Variants in APBB2 observed in about 807,000 individuals in gnomAD.
APBB2 encodes the protein Fe65-like 1.
A neutral mutation model predicts 82.5 loss-of-function variants in APBB2; 38 were observed. That is an observed-to-expected ratio of 0.46 (90% CI 0.36 to 0.60). APBB2 has a LOEUF of 0.60. Ranked by LOEUF, APBB2 falls within the 20% of genes least tolerant of loss-of-function variation. The probability of loss-of-function intolerance (pLI) is 0.00; values close to 1 mark genes in which losing one functional copy is unlikely to be tolerated. For synonymous variants in APBB2, 341 were observed against 368.2 expected (o/e 0.93, Z 0.85); for missense variants, 772 against 972.3 (o/e 0.79, Z 2.74).
At chr4:41,012,567 C>CT (rs1245256837) in intron 6 of APBB2, among the ~76,000 whole-genome samples, 1 of 151,674 alleles carries the variant, frequency 6.6e-6, no homozygotes, top group Admixed American at 6.6e-5. Flanking sequence ...AAAAACGCTA[C>CT]TTTTTTTTTC....
At chr4:40,856,625 C>T (rs1363392978) in intron 12 of APBB2, among the ~76,000 whole-genome samples, 1 of 152,220 alleles carries the variant, frequency 6.6e-6, no homozygotes, top group Admixed American at 6.5e-5. Context: ...GAAATGTGGC[C>T]TCACCAGGGG....
At chr4:40,914,485 G>A (rs542635501) in intron 10 of APBB2, among the ~76,000 whole-genome samples, 1 of 152,336 alleles carries the variant, frequency 6.6e-6, no homozygotes, top group East Asian at 1.9e-4. Flanking sequence ...CCAGGAGGCG[G>A]GGGTTGCAGT....
At chr4:41,036,974 AAG>A (rs1180735088) in intron 4 of APBB2, among the ~76,000 whole-genome samples, 18 of 152,342 alleles carry the variant, frequency 1.2e-4, no homozygotes, top group Non-Finnish European at 2.1e-4. Context: ...GATGGCTTTT[AAG>A]AACAATATAC....
chr4:41,067,507 A>G lies in APBB2; in HGVS notation c.-148-1834T>C, dbSNP rs146164188. 2.3e-3 allele frequency among the ~76,000 whole-genome samples: 352 copies of G among 152,298 alleles called. 2 individuals carry two copies. Among genetic ancestry groups the G allele is most frequent in the African/African-American group, 8.1e-3 (338 of 41,560 alleles). On this transcript the variant is annotated intron_variant, in intron 3 of 17. Transcript: ENST00000508593. ...GTAAAGCCTGGAGAAGCAGCTTGAGAAAAACATAAAGGCATAAAAGTGATT... is the reference window on the plus strand; with the variant it reads ...GTAAAGCCTGGAGAAGCAGCTTGAGGAAAACATAAAGGCATAAAAGTGATT...
intron 12 of APBB2, among the ~76,000 whole-genome samples, chr4:40,861,451 C>T (rs1458577987): frequency 1.3e-5 from 2 of 152,012 alleles, no homozygotes; most frequent in Non-Finnish European, 2.9e-5. Context: ...TGCTTGAGCC[C>T]AGGAGTTTGA....
intron 5 of APBB2, among the ~76,000 whole-genome samples, chr4:41,027,681 C>T (rs1266236726): frequency 7.0e-6 from 1 of 142,222 alleles, no homozygotes; most frequent in Non-Finnish European, 1.5e-5. Flanking sequence ...TTCATTTCCT[C>T]ATTAATTCAT....
intron 2 of APBB2, among the ~76,000 whole-genome samples, chr4:41,101,372 G>A (rs1745308661): frequency 6.8e-6 from 1 of 147,804 alleles, no homozygotes; most frequent in Non-Finnish European, 1.5e-5. Context: ...GCTGAGGCAG[G>A]AGAATGGCGT....
intron 10 of APBB2, among the ~76,000 whole-genome samples, chr4:40,901,595 C>T (rs753411339): frequency 3.9e-5 from 6 of 152,114 alleles, no homozygotes; most frequent in Non-Finnish European, 8.8e-5. Context: ...CTGCAACCTC[C>T]GCCTCCCAGG....
intron 3 of APBB2, among the ~76,000 whole-genome samples, chr4:41,091,987 G>T (rs1741875009): frequency 6.6e-6 from 1 of 152,154 alleles, no homozygotes; most frequent in South Asian, 2.1e-4. Context: ...CACAATTTAT[G>T]TAAAGGGCCA....
At position 40,960,147 on chromosome 4, in the gene APBB2, T is replaced by C. The variant is rs961425555; in HGVS notation, c.836-15074A>G. On this transcript the variant is annotated intron_variant, in intron 6 of 17. Coordinates refer to ENST00000508593, the MANE Select transcript of APBB2 (RefSeq NM_004307.2). The stretch of plus-strand genomic sequence containing the variant: ...TGATGTAAAAAAGGATTTTAGACTA[T>C]GGATGGGGAGGAGGAGTACAGAGAA... Among the ~76,000 whole-genome samples, 7 of 152,234 alleles carry C rather than the reference T, an allele frequency of 4.6e-5. No homozygotes were observed. In the South Asian group the frequency reaches 1.2e-3, roughly 27 times the overall value.
intron 3 of APBB2, among the ~76,000 whole-genome samples, chr4:41,075,367 A>G (rs1046449729): frequency 6.6e-6 from 1 of 152,244 alleles, no homozygotes; most frequent in Non-Finnish European, 1.5e-5. Context: ...AGAAAAGTTG[A>G]AAGATAATAC....
At chr4:41,152,908 T>C (rs1309238923) in intron 1 of APBB2, among the ~76,000 whole-genome samples, 1 of 152,126 alleles carries the variant, frequency 6.6e-6, no homozygotes. Flanking sequence ...ACCACAATGG[T>C]GATATTAGAG....
intron 3 of APBB2, among the ~76,000 whole-genome samples, chr4:41,091,582 GGATT>G (rs1222649167): frequency 2.0e-5 from 3 of 152,066 alleles, no homozygotes; most frequent in African/African-American, 2.4e-5. Flanking sequence ...AGTTGGTGAG[GGATT>G]GATTGTGTCT....
At chr4:41,004,836 C>CA (rs34941899) in intron 6 of APBB2, among the ~76,000 whole-genome samples, 1,475 of 49,222 alleles carry the variant, frequency 0.03, 210 homozygotes, top group Middle Eastern at 0.16. Flanking sequence ...GACCCCATCT[C>CA]AAAAAAAAAA....
At chr4:41,016,964 A>G (rs1810155299) in intron 5 of APBB2, among the ~76,000 whole-genome samples, 1 of 152,026 alleles carries the variant, frequency 6.6e-6, no homozygotes, top group Non-Finnish European at 1.5e-5. Flanking sequence ...TGGCAGGAGC[A>G]TGCCTCACTG....
intron 6 of APBB2, among the ~76,000 whole-genome samples, chr4:40,946,633 C>T (rs1212790028): frequency 1.3e-5 from 2 of 151,930 alleles, no homozygotes; most frequent in African/African-American, 4.8e-5. Context: ...GAGACATCCA[C>T]CGAGATGGAG....
rs1029905565 is a variant in APBB2, at chr4:40,913,863, CTTATG to C, written c.1255-20457_1255-20453del. Among the ~76,000 whole-genome samples the C allele has an allele frequency of 3.7e-4, 56 of 152,032 alleles. 1 individual carries two copies. The highest frequency in any genetic ancestry group is 1.9e-4 in the East Asian group (1 of 5,196). On this transcript the variant is annotated intron_variant, in intron 10 of 17. Coordinates refer to ENST00000508593, the MANE Select transcript of APBB2 (RefSeq NM_004307.2). ...CTATGAGGTGCCTTATGGAGAAATA[CTTATG>C]TTAGGTAAGTCATTCAGGGGTGAGT...
At chr4:41,084,780 T>A (rs1579898047) in intron 3 of APBB2, 1 of 147,274 alleles carries the variant, frequency 6.8e-6, no homozygotes, top group South Asian at 2.1e-4. Context: ...CTTTTGTTAA[T>A]TTTTTTTTTT....
chr4:41,121,513 G>C (rs1027290997), intron 2 of APBB2, among the ~76,000 whole-genome samples: 3 of 150,702 alleles, frequency 2.0e-5, no homozygotes, highest in African/African-American at 7.3e-5. Context: ...GGTGGTGGGA[G>C]TGAGGGAAAG....
Sources: allele counts gnomAD v4.1 joint callset (sites outside exome capture counted in the v4.1 genomes callset), GRCh38; gene constraint gnomAD v4.1.1; transcripts MANE v1.5; gene names NCBI Gene and HGNC (gene_info 2026-07-23, HGNC 2026-07-21).